The following KCNN2 variants were observed in gnomAD, a reference collection of about 807,000 sequenced individuals.
KCNN2 encodes small conductance calcium-activated potassium channel protein 2.
A neutral mutation model predicts 55.5 loss-of-function variants in KCNN2; 24 were observed. The ratio of observed to expected loss-of-function variants is 0.43; its 90% CI spans 0.31 to 0.61. The LOEUF (loss-of-function observed/expected upper bound fraction) is 0.61. Among genes scored for constraint, KCNN2 ranks in the 20% least tolerant of loss-of-function variants. The pLI is 0.08. For missense variants in KCNN2, 754 were observed against 853.6 expected (o/e 0.88, Z 1.45); for synonymous variants, 431 against 336.1 (o/e 1.28, Z -3.09).
chr5:114,216,922 T>C (rs1397329414), intron 1 of KCNN2, among the ~76,000 whole-genome samples: 1 of 152,112 alleles, frequency 6.6e-6, no homozygotes, highest in African/African-American at 2.4e-5. Context: ...GGTTGCAGGA[T>C]ACAAGGTAAA....
At chr5:114,124,124 A>G (rs566752622) in intron 1 of KCNN2, among the ~76,000 whole-genome samples, 1 of 152,170 alleles carries the variant, frequency 6.6e-6, no homozygotes, top group Non-Finnish European at 1.5e-5. Flanking sequence ...TGCTAGTTTG[A>G]TCAGCCAAGT....
At chr5:114,392,914 T>A (rs1379988462) in intron 2 of KCNN2, among the ~76,000 whole-genome samples, 5 of 151,902 alleles carry the variant, frequency 3.3e-5, no homozygotes, top group African/African-American at 1.2e-4. Flanking sequence ...TGTGCATTTT[T>A]GTTTGGGGCC....
Position 114,483,123 on chromosome 5 carries a change from G to A in KCNN2, c.1891-3927G>A, listed in dbSNP as rs571528335. ...GTACTATTATACTTAAAAATATTTT[G>A]TATCTTACTACCCATGGTTTTATTA... On this transcript the variant is annotated intron_variant, in intron 5 of 7. Coordinates refer to ENST00000673685, the MANE Select transcript of KCNN2 (RefSeq NM_021614.4). Among the ~76,000 whole-genome samples, 35 of 151,184 alleles carry A rather than the reference G, an allele frequency of 2.3e-4. No individual in the cohort carries two copies. The Middle Eastern group carries it at 0.014, about 59-fold the overall frequency.
intron 2 of KCNN2, among the ~76,000 whole-genome samples, chr5:114,297,802 C>T (rs976791498): frequency 4.0e-5 from 6 of 151,784 alleles, no homozygotes; most frequent in African/African-American, 1.5e-4. Context: ...GAAAAATATT[C>T]AAGAAATTAT....
chr5:114,420,255 T>A (rs973793642), intron 3 of KCNN2, among the ~76,000 whole-genome samples: 1 of 152,244 alleles, frequency 6.6e-6, no homozygotes, highest in East Asian at 1.9e-4. Flanking sequence ...AGGGAAATAA[T>A]GTAAAGTCTT....
intron 1 of KCNN2, among the ~76,000 whole-genome samples, chr5:114,142,860 A>C (rs1306650181): frequency 6.6e-6 from 1 of 152,164 alleles, no homozygotes; most frequent in Non-Finnish European, 1.5e-5. Context: ...AATTGTAAAA[A>C]ACTACTTTAA....
intron 4 of KCNN2, among the ~76,000 whole-genome samples, chr5:114,467,328 G>A (rs183062271): frequency 5.1e-4 from 78 of 152,184 alleles, no homozygotes; most frequent in Non-Finnish European, 9.7e-4. Context: ...GTTTTCCCCC[G>A]CCAGTGTACA....
At chr5:114,460,187 G>A (rs1297337096) in intron 3 of KCNN2, among the ~76,000 whole-genome samples, 1 of 152,012 alleles carries the variant, frequency 6.6e-6, no homozygotes, top group Non-Finnish European at 1.5e-5. Context: ...ACTTCTCTTC[G>A]TAGTTACCTG....
intron 2 of KCNN2, among the ~76,000 whole-genome samples, chr5:114,366,305 A>G (rs1357155269): frequency 6.6e-6 from 1 of 152,180 alleles, no homozygotes; most frequent in Non-Finnish European, 1.5e-5. Flanking sequence ...TTATAGAATG[A>G]TATATGTTTT....
intron 2 of KCNN2, among the ~76,000 whole-genome samples, chr5:114,307,739 C>T (rs1342501479): frequency 6.6e-6 from 1 of 152,150 alleles, no homozygotes; most frequent in Non-Finnish European, 1.5e-5. Context: ...TCTACCTCCT[C>T]AAGCCATCTA....
intron 1 of KCNN2, among the ~76,000 whole-genome samples, chr5:114,215,089 G>C (rs936360374): frequency 2.6e-5 from 4 of 152,074 alleles, no homozygotes; most frequent in African/African-American, 9.7e-5. Flanking sequence ...GTTTTGCTTT[G>C]TCAAGAATAT....
At chr5:114,187,673 T>C (rs554259953) in intron 1 of KCNN2, among the ~76,000 whole-genome samples, 1 of 150,914 alleles carries the variant, frequency 6.6e-6, no homozygotes, top group East Asian at 2.0e-4. Flanking sequence ...ACCCGGCTAA[T>C]TTTTTTATAT....
At chr5:114,241,179 T>C (rs1421416906) in intron 2 of KCNN2, among the ~76,000 whole-genome samples, 1 of 151,708 alleles carries the variant, frequency 6.6e-6, no homozygotes, top group Non-Finnish European at 1.5e-5. Flanking sequence ...AAACAGTAAA[T>C]GTCTGGATAA....
intron 1 of KCNN2, among the ~76,000 whole-genome samples, chr5:114,207,174 G>T (rs1215767334): frequency 2.0e-5 from 3 of 152,246 alleles, no homozygotes; most frequent in East Asian, 1.9e-4. Context: ...GGGTGTATTA[G>T]AACACTGGAC....
chr5:114,179,170 A>C (rs1753190321), intron 1 of KCNN2, among the ~76,000 whole-genome samples: 1 of 152,220 alleles, frequency 6.6e-6, no homozygotes, highest in South Asian at 2.1e-4. Context: ...GATATGGCTT[A>C]ACTAAATGGT....
intron 2 of KCNN2, among the ~76,000 whole-genome samples, chr5:114,245,380 GC>G (rs1754729587): frequency 1.3e-5 from 2 of 152,196 alleles, no homozygotes; most frequent in African/African-American, 4.8e-5. Flanking sequence ...CATTTGTGTA[GC>G]ATTTTATACT....
At chr5:114,473,572 A>AAAAG (rs1471693745) in intron 5 of KCNN2, among the ~76,000 whole-genome samples, 3 of 152,200 alleles carry the variant, frequency 2.0e-5, no homozygotes, top group Non-Finnish European at 4.4e-5. Flanking sequence ...TTGCAAAGAC[A>AAAAG]AAAGAAACCA....
chr5:114,493,057 T>G (rs978413980), intron 6 of KCNN2, among the ~76,000 whole-genome samples: 6 of 152,134 alleles, frequency 3.9e-5, no homozygotes, highest in African/African-American at 1.4e-4. Context: ...CTTTGCATAT[T>G]TCTTCCTATG....
chr5:114,193,882 A>G (rs967659642), intron 1 of KCNN2, among the ~76,000 whole-genome samples: 6 of 152,146 alleles, frequency 3.9e-5, no homozygotes, highest in African/African-American at 1.4e-4. Context: ...CTCTATTGAG[A>G]TATAATTCAC....
Sources: gnomAD v4.1 joint callset for allele counts (sites outside exome capture counted in the v4.1 genomes callset) on GRCh38, gnomAD v4.1.1 for gene constraint, MANE v1.5 for transcripts, NCBI Gene and HGNC (gene_info 2026-07-23, HGNC 2026-07-21) for gene names.